Variants in NECAB1 observed in about 807,000 individuals in gnomAD.
NECAB1 encodes N-terminal EF-hand calcium-binding protein 1.
A neutral mutation model predicts 57.5 loss-of-function variants in NECAB1; 29 were observed. The observed-to-expected ratio is 0.50, with a 90% CI of 0.38 to 0.69. The LOEUF (loss-of-function observed/expected upper bound fraction) is 0.69, where lower values mean the gene tolerates loss of function less well. Among genes scored for constraint, NECAB1 ranks in the 30% least tolerant of loss-of-function variants. The probability of loss-of-function intolerance (pLI) is 0.00; values close to 1 mark genes in which losing one functional copy is unlikely to be tolerated. For synonymous variants in NECAB1, 142 were observed against 147.7 expected, an observed-to-expected ratio of 0.96 and a Z score of 0.28; for missense variants, 372 against 413.8, an observed-to-expected ratio of 0.90 and a Z score of 0.88.
intron 5 of NECAB1, among the ~76,000 whole-genome samples, chr8:90,891,464 TA>T (rs746301022): frequency 3.7e-4 from 56 of 152,154 alleles, no homozygotes; most frequent in Non-Finnish European, 7.1e-4. Context: ...TGTATATTTT[TA>T]TATATTCTAG....
intron 3 of NECAB1, among the ~76,000 whole-genome samples, chr8:90,851,454 C>A (rs1338312014): frequency 6.6e-6 from 1 of 151,984 alleles, no homozygotes; most frequent in Non-Finnish European, 1.5e-5. Context: ...TGCCTAAACT[C>A]CCAGTATTAA....
chr8:90,926,350 C>T (rs1444477387), intron 7 of NECAB1, among the ~76,000 whole-genome samples: 2 of 152,132 alleles, frequency 1.3e-5, no homozygotes, highest in Non-Finnish European at 2.9e-5. Flanking sequence ...ACCAACTGTA[C>T]TTGAAAGATT....
chr8:90,878,520 A>G (rs1477183560), intron 4 of NECAB1, among the ~76,000 whole-genome samples: 1 of 152,138 alleles, frequency 6.6e-6, no homozygotes, highest in Non-Finnish European at 1.5e-5. Context: ...GTTATAAAAG[A>G]GCCTTAGTGA....
intron 4 of NECAB1, among the ~76,000 whole-genome samples, chr8:90,875,514 AAGAAT>A (rs1808705479): frequency 6.7e-6 from 1 of 149,466 alleles, no homozygotes; most frequent in Non-Finnish European, 1.5e-5. Context: ...AAAAAAAAAA[AAGAAT>A]AGGTAGTTGA....
At chr8:90,838,923 A>G (rs2129739197) in intron 3 of NECAB1, among the ~76,000 whole-genome samples, 1 of 152,316 alleles carries the variant, frequency 6.6e-6, no homozygotes, top group South Asian at 2.1e-4. Flanking sequence ...TGTTACTTAA[A>G]GTTGCTTGCA....
At chr8:90,893,959 TAGTTC>T (rs2129973544) in intron 5 of NECAB1, among the ~76,000 whole-genome samples, 1 of 152,294 alleles carries the variant, frequency 6.6e-6, no homozygotes, top group African/African-American at 2.4e-5. Context: ...GACACATCTT[TAGTTC>T]ATGATCTGCT....
chr8:90,909,482 G>T (rs1274874759), intron 5 of NECAB1, among the ~76,000 whole-genome samples: 1 of 152,042 alleles, frequency 6.6e-6, no homozygotes, highest in Non-Finnish European at 1.5e-5. Flanking sequence ...GATTCCTGAG[G>T]AAGGGCTCAC....
chr8:90,949,704 T>TA, intron 10 of NECAB1, 103 bp from the exon 11 acceptor site: 3 of 507,950 alleles, frequency 5.9e-6, no homozygotes, highest in Non-Finnish European at 1.0e-5. Flanking sequence ...TTGTTTCCTC[T>TA]ATTAATGGAT....
intron 5 of NECAB1, among the ~76,000 whole-genome samples, chr8:90,884,687 A>C (rs1586084129): frequency 6.6e-6 from 1 of 152,300 alleles, no homozygotes; most frequent in South Asian, 2.1e-4. Context: ...TTATCCTTGG[A>C]CTTCAGAGCA....
chr8:90,807,059 T>C (rs979913969), intron 2 of NECAB1, among the ~76,000 whole-genome samples: 3 of 152,158 alleles, frequency 2.0e-5, no homozygotes, highest in Non-Finnish European at 4.4e-5. Flanking sequence ...TATACAAATA[T>C]AATTATAGTT....
At chr8:90,953,898 CT>C (rs1213796174) in intron 12 of NECAB1, among the ~76,000 whole-genome samples, 1 of 151,762 alleles carries the variant, frequency 6.6e-6, no homozygotes, top group Non-Finnish European at 1.5e-5. Flanking sequence ...GAAATCCTCT[CT>C]TTACTAAAAA....
Position 90,922,486 on chromosome 8 carries a change from ATTTTTTTTT to A in NECAB1, c.495-3033_495-3025del, listed in dbSNP as rs577951495. 2.7e-3 allele frequency among the ~76,000 whole-genome samples: 153 copies of A among 57,518 alleles called. 1 individual carries two copies. Among genetic ancestry groups the A allele is most frequent in the Non-Finnish European group, 4.2e-3 (127 of 30,584 alleles). 37.7% of individuals were successfully genotyped at this position (57,518 alleles called of 152,430 possible). Reference sequence around the variant, plus strand: ...ACCACCAAAGCTGCCAAAAACTTGGATTTTTTTTTTTTTTTTTTTTTTTTGAGATGGAGT... The same window carrying A: ...ACCACCAAAGCTGCCAAAAACTTGGATTTTTTTTTTTTTTTGAGATGGAGT... On this transcript the variant is annotated intron_variant, in intron 6 of 12. Transcript: ENST00000417640.
chr8:90,906,772 A>C (rs1809660745), intron 5 of NECAB1, among the ~76,000 whole-genome samples: 1 of 150,332 alleles, frequency 6.7e-6, no homozygotes, highest in Non-Finnish European at 1.5e-5. Context: ...TAAGACATTC[A>C]GAACTAATTT....
rs191316501 is a variant in NECAB1, at chr8:90,925,256, C to G, written c.495-279C>G. The stretch of plus-strand genomic sequence containing the variant: ...ATACAATAGCTGCATACACGTTTTT[C>G]CACTGAAAGTTGACCAACAAAGGAA... On this transcript the variant is annotated intron_variant, in intron 6 of 12. Transcript: ENST00000417640. Among the ~76,000 whole-genome samples the G allele has an allele frequency of 1.8e-3, 268 of 150,908 alleles. 2 individuals carry two copies. Among genetic ancestry groups the G allele is most frequent in the Middle Eastern group, 0.01 (3 of 292 alleles).
chr8:90,798,903 A>T (rs1294411138), intron 1 of NECAB1, among the ~76,000 whole-genome samples: 1 of 152,176 alleles, frequency 6.6e-6, no homozygotes, highest in African/African-American at 2.4e-5. Flanking sequence ...AGACTAATTT[A>T]CATCCCCACC....
intron 5 of NECAB1, among the ~76,000 whole-genome samples, chr8:90,899,645 A>T (rs945892394): frequency 6.6e-6 from 1 of 152,308 alleles, no homozygotes; most frequent in Middle Eastern, 3.4e-3. Context: ...TAGCTTTGCC[A>T]TAGTTTAAAA....
In NECAB1 at chr8:90,912,487, G is replaced by C. The variant is rs186981803; in HGVS notation, c.358-5005G>C. Among the ~76,000 whole-genome samples, 278 of 152,214 alleles carry C rather than the reference G, an allele frequency of 1.8e-3. 2 individuals are homozygous for C. The highest frequency in any genetic ancestry group is 6.1e-3 in the African/African-American group (255 of 41,554). On this transcript the variant is annotated intron_variant, in intron 5 of 12. Coordinates refer to ENST00000417640, the MANE Select transcript of NECAB1 (RefSeq NM_022351.5). ...CAGAATTTATTTCAATTTATTAATT[G>C]TTTAATAATATTTAATCCAAAATTA...
chr8:90,939,656 G>T (rs1810622927), intron 9 of NECAB1, among the ~76,000 whole-genome samples: 2 of 152,126 alleles, frequency 1.3e-5, no homozygotes, highest in South Asian at 4.1e-4. Flanking sequence ...TTTGTGAAAA[G>T]GATATATCCA....
Position 90,925,602 on chromosome 8 carries a change from C to G in NECAB1, c.562C>G (p.Gln188Glu). The G allele has an allele frequency of 6.2e-7, 1 of 1,613,758 alleles. No homozygotes were observed. Among genetic ancestry groups the G allele is most frequent in the Admixed American group, 1.7e-5 (1 of 59,976 alleles). Reference sequence around the variant, plus strand: ...TGGAAAACGATCAAGCCGCCGAGTCCAGAGACACAACAGCTTCTCCCCAAA... The same window carrying G: ...TGGAAAACGATCAAGCCGCCGAGTCGAGAGACACAACAGCTTCTCCCCAAA... Reference protein sequence around the residue: ...WPGKRSSRRVQRHNSFSPNSP... With the variant: ...WPGKRSSRRVERHNSFSPNSP... Residue 188 changes from glutamine (Q) to glutamate (E), a missense_variant, in exon 7 of 13, where the codon CAG becomes GAG. Gln to Glu is a conservative substitution (Grantham distance 29). Transcript: ENST00000417640.
Sources: allele counts gnomAD v4.1 joint callset (sites outside exome capture counted in the v4.1 genomes callset), GRCh38; gene constraint gnomAD v4.1.1; transcripts MANE v1.5; gene names NCBI Gene and HGNC (gene_info 2026-07-23, HGNC 2026-07-21).